Variants in SHROOM4 observed in about 807,000 individuals in gnomAD.
SHROOM4 encodes shroom family member 4, also known as protein Shroom4.
A neutral mutation model predicts 80.3 loss-of-function variants in SHROOM4; 17 were observed. That is an observed-to-expected ratio of 0.21 (90% confidence interval 0.14 to 0.32). The LOEUF is 0.32. Ranked by LOEUF, SHROOM4 falls within the 10% of genes least tolerant of loss-of-function variation. SHROOM4 has a pLI of 1.00. For synonymous variants in SHROOM4, 400 were observed against 437.5 expected (o/e 0.91, Z 1.07); for missense variants, 993 against 1,140.3 (o/e 0.87, Z 1.86).
intron 1 of SHROOM4, among the ~76,000 whole-genome samples, chrX:50,747,115 G>A (rs962022753): frequency 8.1e-5 from 9 of 111,784 alleles, no homozygotes; most frequent in Admixed American, 2.8e-4. Context: ...ACTAGCACAG[G>A]AGAAACTGAA....
intron 1 of SHROOM4, among the ~76,000 whole-genome samples, chrX:50,738,393 T>G (rs1161626029): frequency 3.6e-5 from 4 of 111,059 alleles, no homozygotes; most frequent in East Asian, 2.8e-4. Context: ...CAAATTGTCC[T>G]TGTTTACAGA....
At chrX:50,689,972 T>C (rs1254836825) in intron 2 of SHROOM4, among the ~76,000 whole-genome samples, 1 of 112,010 alleles carries the variant, frequency 8.9e-6, no homozygotes, top group Non-Finnish European at 1.9e-5. Context: ...TGAATAATTC[T>C]GCAACATTTT....
At chrX:50,761,913 T>C (rs1215444903) in intron 1 of SHROOM4, among the ~76,000 whole-genome samples, 4 of 111,843 alleles carry the variant, frequency 3.6e-5, no homozygotes. Flanking sequence ...TGCCTCCTTT[T>C]TAATGGAGTT....
At chrX:50,752,086 G>T (rs1205334906) in intron 1 of SHROOM4, among the ~76,000 whole-genome samples, 1 of 111,846 alleles carries the variant, frequency 8.9e-6, no homozygotes, top group African/African-American at 3.2e-5. Context: ...ACTAAACACA[G>T]AGAAAAAACA....
Position 50,813,935 on chromosome X carries a change from A to T in SHROOM4, c.84T>A (p.Gly28=), listed in dbSNP as rs1936403361. ...CTGTGAGCGGCTCACAGTGTTCCAG[A>T]CCCCCCTTAAGGGTGAAGCCCCAGG... The part of the protein sequence containing the change: ...GAPWGFTLKG[G]LEHCEPLTVS... Residue 28 remains glycine (G), a synonymous_variant, in exon 1 of 9, where the codon GGT becomes GGA. Transcript: ENST00000376020. 1 of 1,200,516 alleles carries T rather than the reference A, an allele frequency of 8.3e-7. No individual in the cohort carries two copies. Among genetic ancestry groups the T allele is most frequent in the South Asian group, 1.8e-5 (1 of 55,798 alleles).
In SHROOM4 at chrX:50,634,193, G is replaced by C. The variant is rs782306706; in HGVS notation, c.1880C>G (p.Pro627Arg). The C allele has an allele frequency of 1.7e-6, 2 of 1,211,562 alleles. No homozygotes were observed. ...KEPVEETQEP[P>R]ESPPLTASNT... ...AGAGGCAGTGAGTGGAGGACTTTCT[G>C]GGGGCTCCTGGGTCTCTTCCACTGG... The change falls in exon 4 of 9, where the codon CCA becomes CGA. Residue 627 changes from proline to arginine, a missense_variant. Coordinates refer to ENST00000376020, the MANE Select transcript of SHROOM4 (RefSeq NM_020717.5).
intron 2 of SHROOM4, among the ~76,000 whole-genome samples, chrX:50,667,927 A>C (rs1272764934): frequency 9.0e-6 from 1 of 111,549 alleles, no homozygotes; most frequent in Non-Finnish European, 1.9e-5. Flanking sequence ...AGAGGGGTAG[A>C]CACCAAGACA....
chrX:50,592,393 T>C lies in SHROOM4; in HGVS notation c.*4302A>G. The C allele has an allele frequency of 4.1e-6, 1 of 243,133 alleles. No individual in the cohort carries two copies. Among genetic ancestry groups the C allele is most frequent in the Non-Finnish European group, 7.6e-6 (1 of 130,866 alleles). 20.0% of individuals were successfully genotyped at this position (243,133 alleles called of 1,213,427 possible). A position where few individuals can be genotyped will look rare whatever the true frequency, so the allele number is the denominator to read the frequency against. On this transcript the variant is annotated 3_prime_UTR_variant, in exon 9 of 9. Transcript: ENST00000376020. ...GTTACAATAACTGCAAGCAAGATAATACTGTTCCCATTTTACAGATAAGAA... is the reference window on the plus strand; with the variant it reads ...GTTACAATAACTGCAAGCAAGATAACACTGTTCCCATTTTACAGATAAGAA...
rs1929778974 is a variant in SHROOM4, at chrX:50,608,109, G to A, written c.3033C>T (p.Asp1011=). 4.1e-6 allele frequency: 5 copies of A among 1,211,699 alleles called. No individual in the cohort carries two copies. The East Asian group carries it at 8.9e-5, about 21-fold the overall frequency. The change falls in exon 6 of 9, where the codon GAC becomes GAT. Residue 1011 remains aspartate (D), a synonymous_variant. Transcript: ENST00000376020. Reference sequence around the variant, plus strand: ...AAGAAATTGCTCGGTAGCTTGACAAGTCCAGTGCTGGGTTCTCAAGGCAAG... The same window carrying A: ...AAGAAATTGCTCGGTAGCTTGACAAATCCAGTGCTGGGTTCTCAAGGCAAG... ...FHPCLENPAL[D]LSSYRAISSL...
intron 2 of SHROOM4, among the ~76,000 whole-genome samples, chrX:50,691,640 T>C (rs782711272): frequency 2.7e-5 from 3 of 111,837 alleles, no homozygotes; most frequent in Non-Finnish European, 5.6e-5. Context: ...CTTTTCAGAA[T>C]TGGCCATGTT....
chrX:50,644,989 T>C (rs974190732), intron 2 of SHROOM4, among the ~76,000 whole-genome samples: 4 of 112,228 alleles, frequency 3.6e-5, no homozygotes, highest in African/African-American at 1.3e-4. Context: ...CGAGGTACCA[T>C]TAGCAATAAG....
chrX:50,663,154 A>G (rs1487363267), intron 2 of SHROOM4, among the ~76,000 whole-genome samples: 2 of 111,352 alleles, frequency 1.8e-5, no homozygotes, highest in African/African-American at 6.5e-5. Context: ...AGTTCTACCT[A>G]CTCCCTACAA....
intron 1 of SHROOM4, among the ~76,000 whole-genome samples, chrX:50,804,665 A>T (rs1333402569): frequency 8.9e-6 from 1 of 112,231 alleles, no homozygotes; most frequent in African/African-American, 3.2e-5. Context: ...CATCTGCACA[A>T]TGGAGACATT....
chrX:50,799,909 C>T (rs1436810834), intron 1 of SHROOM4, among the ~76,000 whole-genome samples: 4 of 112,087 alleles, frequency 3.6e-5, no homozygotes, highest in Non-Finnish European at 7.5e-5. Context: ...GCCTCTCCCA[C>T]ATGCAAACCT....
the SHROOM4 span, among the ~76,000 whole-genome samples, chrX:50,580,419 C>T: frequency 1.8e-5 from 2 of 112,171 alleles, no homozygotes; most frequent in African/African-American, 6.5e-5. Flanking sequence ...ATAGGTAGAC[C>T]TCCATTTGGT....
chrX:50,682,258 C>T (rs1421997195), intron 2 of SHROOM4, among the ~76,000 whole-genome samples: 1 of 111,734 alleles, frequency 8.9e-6, no homozygotes, highest in Non-Finnish European at 1.9e-5. Flanking sequence ...GGCAAGAAAC[C>T]TTGCACTCAT....
chrX:50,763,387 C>T lies in SHROOM4; in HGVS notation c.117+50515G>A, dbSNP rs948497050. Among the ~76,000 whole-genome samples the T allele has an allele frequency of 1.3e-4, 15 of 111,494 alleles. 1 individual carries two copies. Among genetic ancestry groups the T allele is most frequent in the African/African-American group, 4.9e-4 (15 of 30,683 alleles). ...TATTATCTACCCCTACAACCTCACA[C>T]GTTGTTTATATTGCCTGCTTTTTTT... is the stretch of plus-strand genomic sequence containing the variant. On this transcript the variant is annotated intron_variant, in intron 1 of 8. Transcript: ENST00000376020.
chrX:50,598,756 T>C (rs1276138825), intron 7 of SHROOM4, among the ~76,000 whole-genome samples: 1 of 111,873 alleles, frequency 8.9e-6, no homozygotes, highest in Non-Finnish European at 1.9e-5. Flanking sequence ...ACCAAACTTT[T>C]TGGCATTGGG....
intron 8 of SHROOM4, 87 bp from the exon 9 acceptor site, chrX:50,597,051 G>T: frequency 9.3e-7 from 1 of 1,069,937 alleles, no homozygotes; most frequent in Non-Finnish European, 1.3e-6. Flanking sequence ...CACCAGAGAT[G>T]CTGCCACAAA....
Sources: allele counts gnomAD v4.1 joint callset (sites outside exome capture counted in the v4.1 genomes callset), GRCh38; gene constraint gnomAD v4.1.1; transcripts MANE v1.5; gene names NCBI Gene and HGNC (gene_info 2026-07-23, HGNC 2026-07-21).